Variants in SNAPC3 observed in about 807,000 individuals in gnomAD.
SNAPC3 encodes the protein small nuclear RNA activating complex polypeptide 3, also known as snRNA-activating protein complex subunit 3.
A neutral mutation model predicts 47.7 loss-of-function variants in SNAPC3; 56 were observed. That is an observed-to-expected ratio of 1.18 (90% CI 0.95 to 1.47). The LOEUF (loss-of-function observed/expected upper bound fraction) is 1.47, where lower values mean the gene tolerates loss of function less well. Among genes scored for constraint, SNAPC3 ranks in the 40% most tolerant of loss-of-function variants. SNAPC3 has a pLI of 0.00. For synonymous variants in SNAPC3, 235 were observed against 189.9 expected (o/e 1.24, Z -1.95); for missense variants, 665 against 511.3 (o/e 1.30, Z -2.90).
Position 15,433,600 on chromosome 9 carries a change from T to G in SNAPC3, c.441T>G (p.Asp147Glu), listed in dbSNP as rs1245367365. 1.2e-6 allele frequency: 2 copies of G among 1,610,016 alleles called. No homozygotes were observed. Among genetic ancestry groups the G allele is most frequent in the Non-Finnish European group, 1.7e-6 (2 of 1,177,496 alleles). Reference protein sequence around the residue: ...LEHREETITIDRACRQETFVY... With the variant: ...LEHREETITIERACRQETFVY... ...ATCGGGAAGAAACCATTACAATAGA[T>G]CGAGCCTGCAGACAAGAAACATTCG... Residue 147 changes from aspartate (D) to glutamate (E), a missense_variant, in exon 3 of 9, where the codon GAT (aspartate) becomes GAG (glutamate). By Grantham distance (45) the Asp-to-Glu change is conservative. Coordinates refer to ENST00000380821, the MANE Select transcript of SNAPC3 (RefSeq NM_001039697.2).
chr9:15,457,941 A>T lies in SNAPC3; in HGVS notation c.981-19A>T, dbSNP rs750674085. 6.8e-7 allele frequency: 1 copy of T among 1,464,226 alleles called. No homozygotes were observed. Among genetic ancestry groups the T allele is most frequent in the South Asian group, 1.2e-5 (1 of 81,202 alleles). 90.7% of individuals were successfully genotyped at this position (1,464,226 alleles called of 1,614,324 possible). On this transcript the variant is annotated intron_variant, in intron 7 of 8. Transcript: ENST00000380821. The stretch of plus-strand genomic sequence containing the variant: ...TAATATTTGTCACCTTAATATCTTT[A>T]TTTTCCCACGAACAAAAGGCTTGTG...
intron 2 of SNAPC3, among the ~76,000 whole-genome samples, chr9:15,426,423 T>C (rs1438002108): frequency 6.6e-6 from 1 of 152,212 alleles, no homozygotes; most frequent in Non-Finnish European, 1.5e-5. Context: ...TGTTTAATTT[T>C]CTGTCTTCTT....
intron 3 of SNAPC3, among the ~76,000 whole-genome samples, chr9:15,443,291 A>C (rs752528904): frequency 3.3e-5 from 5 of 152,206 alleles, no homozygotes; most frequent in Non-Finnish European, 7.3e-5. Context: ...ATTAATTGAC[A>C]CTTTGACTAG....
downstream of SNAPC3, chr9:15,463,652 CAA>C (rs1396684126): frequency 6.6e-6 from 1 of 151,928 alleles, no homozygotes; most frequent in Non-Finnish European, 1.5e-5. Flanking sequence ...GAATAATTAT[CAA>C]GAGTTCTGAG....
In SNAPC3 at chr9:15,422,892, A is replaced by T; in HGVS notation, c.13A>T (p.Ser5Cys). The T allele has an allele frequency of 1.3e-6, 2 of 1,535,664 alleles. No homozygotes were observed. Among genetic ancestry groups the T allele is most frequent in the Non-Finnish European group, 1.8e-6 (2 of 1,141,294 alleles). Residue 5 changes from serine (S) to cysteine (C), a missense_variant, in exon 1 of 9, where the codon AGC (serine) becomes TGC (cysteine). Transcript: ENST00000380821. MAEG[S>C]RGGPTCSGVG... The stretch of plus-strand genomic sequence containing the variant: ...GAGTGGGGCGAACATGGCTGAAGGA[A>T]GCCGAGGTGGCCCTACGTGTAGCGG...
chr9:15,456,500 CT>C (rs1186326077), intron 7 of SNAPC3, among the ~76,000 whole-genome samples: 2 of 151,664 alleles, frequency 1.3e-5, no homozygotes, highest in African/African-American at 4.8e-5. Flanking sequence ...GGGGATGTCA[CT>C]CTGTTGCTCA....
chr9:15,444,517 G>T lies in SNAPC3; in HGVS notation c.478-85G>T, dbSNP rs1432934504. On this transcript the variant is annotated intron_variant, in intron 3 of 8. Coordinates refer to ENST00000380821, the MANE Select transcript of SNAPC3 (RefSeq NM_001039697.2). ...TGTCAAACCCAAGGCTGCTTGACTC[G>T]ATCCCTTGCTGATAGCCATTGTACC... is the stretch of plus-strand genomic sequence containing the variant. 8 of 803,116 alleles carry T rather than the reference G, an allele frequency of 1.0e-5. No individual in the cohort carries two copies. The African/African-American group carries it at 1.2e-4, about 12-fold the overall frequency. 49.7% of individuals were successfully genotyped at this position (803,116 alleles called of 1,614,324 possible). A position where few individuals can be genotyped will look rare whatever the true frequency, so the allele number is the denominator to read the frequency against.
At chr9:15,429,294 C>T (rs752427914) in intron 2 of SNAPC3, among the ~76,000 whole-genome samples, 9 of 152,000 alleles carry the variant, frequency 5.9e-5, no homozygotes, top group Non-Finnish European at 1.0e-4. Flanking sequence ...TTCGACATAA[C>T]GAAAACCTGG....
At chr9:15,445,144 A>C (rs1432845911) in intron 4 of SNAPC3, among the ~76,000 whole-genome samples, 3 of 152,220 alleles carry the variant, frequency 2.0e-5, no homozygotes, top group Non-Finnish European at 2.9e-5. Flanking sequence ...TAGAGTTGAC[A>C]ATCTATAATC....
rs2032410816 is a variant in SNAPC3 at position 15,433,415 on chromosome 9, A to G, written c.393-137A>G. On this transcript the variant is annotated intron_variant, in intron 2 of 8. Coordinates refer to ENST00000380821, the MANE Select transcript of SNAPC3 (RefSeq NM_001039697.2). ...TGACATAAGGGAAGCTGAACAAGAG[A>G]TAGAAGGGAACTTTTTCCTGCTTTT... The G allele has an allele frequency of 1.1e-5, 7 of 661,508 alleles. No individual in the cohort carries two copies. In the Admixed American group the frequency reaches 1.9e-4, roughly 18 times the overall value. 41.0% of individuals were successfully genotyped at this position (661,508 alleles called of 1,614,324 possible). A position where few individuals can be genotyped will look rare whatever the true frequency, so the allele number is the denominator to read the frequency against.
At position 15,433,549 on chromosome 9, in the gene SNAPC3, CAG is replaced by C; in HGVS notation, c.393-2_393-1del. On this transcript the variant is annotated splice_acceptor_variant, in intron 2 of 8. Transcript: ENST00000380821. LOFTEE classifies it high-confidence loss of function. ...TTTTTTTTTTCTTTTACATCTACAA[CAG>C]GGTTAGAAAAAGGTTCTTGGAACAT... 6.4e-7 allele frequency: 1 copy of C among 1,559,898 alleles called. No individual in the cohort carries two copies. Among genetic ancestry groups the C allele is most frequent in the Non-Finnish European group, 8.8e-7 (1 of 1,142,322 alleles).
At chr9:15,457,804 A>G (rs1372416442) in intron 7 of SNAPC3, among the ~76,000 whole-genome samples, 156 bp from the exon 8 acceptor site, 1 of 152,236 alleles carries the variant, frequency 6.6e-6, no homozygotes, top group African/African-American at 2.4e-5. Context: ...GAATTTGGTG[A>G]AACATGGCAT....
intron 7 of SNAPC3, among the ~76,000 whole-genome samples, chr9:15,453,754 C>G (rs1345637284): frequency 6.6e-6 from 1 of 152,122 alleles, no homozygotes; most frequent in Admixed American, 6.5e-5. Context: ...CTATTCATTT[C>G]CTCTTTATTT....
chr9:15,452,598 G>A (rs377444809), intron 6 of SNAPC3, among the ~76,000 whole-genome samples: 6 of 152,330 alleles, frequency 3.9e-5, no homozygotes, highest in African/African-American at 1.4e-4. Context: ...GATTACAGGT[G>A]TGAGCCACCA....
At chr9:15,433,304 G>A (rs1416738880) in intron 2 of SNAPC3, among the ~76,000 whole-genome samples, 1 of 151,574 alleles carries the variant, frequency 6.6e-6, no homozygotes, top group Non-Finnish European at 1.5e-5. Flanking sequence ...TAAAAATTGT[G>A]TGAAATTTTA....
At chr9:15,454,007 A>C (rs4741502) in intron 7 of SNAPC3, among the ~76,000 whole-genome samples, 1 of 152,048 alleles carries the variant, frequency 6.6e-6, no homozygotes, top group African/African-American at 2.4e-5. Flanking sequence ...GGGAGACTGA[A>C]GTGGGCAAAT....
At chr9:15,455,396 GTC>G (rs950357731) in intron 7 of SNAPC3, among the ~76,000 whole-genome samples, 2 of 152,086 alleles carry the variant, frequency 1.3e-5, no homozygotes, top group African/African-American at 4.8e-5. Context: ...GTGAAATCCT[GTC>G]TCTACTAAAA....
intron 8 of SNAPC3, 26 bp downstream of exon 8, chr9:15,458,093 T>TTC (rs2034936594): frequency 7.6e-7 from 1 of 1,315,260 alleles, no homozygotes; most frequent in East Asian, 2.5e-5. Context: ...TTTTTTTTTT[T>TTC]CTCTGAGAAA....
At chr9:15,433,238 G>A (rs2032385575) in intron 2 of SNAPC3, among the ~76,000 whole-genome samples, 1 of 150,954 alleles carries the variant, frequency 6.6e-6, no homozygotes. Flanking sequence ...AATAACAGAT[G>A]CCATGTGGGA....
Sources: gnomAD v4.1 joint callset for allele counts (sites outside exome capture counted in the v4.1 genomes callset) on GRCh38, gnomAD v4.1.1 for gene constraint, MANE v1.5 for transcripts, NCBI Gene and HGNC (gene_info 2026-07-23, HGNC 2026-07-21) for gene names.